The following MVB12B variants were observed in gnomAD, a reference collection of about 807,000 sequenced individuals.
MVB12B encodes the protein ESCRT-I complex subunit MVB12B.
A neutral mutation model predicts 41.6 loss-of-function variants in MVB12B; 16 were observed. The observed-to-expected ratio is 0.38, with a 90% CI of 0.26 to 0.58. The LOEUF is 0.58. Among genes scored for constraint, MVB12B ranks in the 20% least tolerant of loss-of-function variants. MVB12B has a pLI of 0.62. For synonymous variants in MVB12B, 133 were observed against 139.7 expected, an observed-to-expected ratio of 0.95 and a Z score of 0.34; for missense variants, 274 against 380.2, an observed-to-expected ratio of 0.72 and a Z score of 2.32.
chr9:126,404,100 T>A (rs117603795), intron 6 of MVB12B, among the ~76,000 whole-genome samples: 2 of 151,966 alleles, frequency 1.3e-5, no homozygotes, highest in African/African-American at 2.4e-5. Flanking sequence ...ACTACAAACA[T>A]GTGCCACCAC....
chr9:126,439,363 C>G (rs1832576240), intron 7 of MVB12B, among the ~76,000 whole-genome samples: 1 of 152,152 alleles, frequency 6.6e-6, no homozygotes, highest in African/African-American at 2.4e-5. Context: ...AGTCTGGGGT[C>G]TCCACAGGGA....
chr9:126,335,719 G>A (rs375261219), intron 1 of MVB12B, among the ~76,000 whole-genome samples: 4 of 152,216 alleles, frequency 2.6e-5, no homozygotes, highest in African/African-American at 9.7e-5. Context: ...TTCCTACGGC[G>A]AATGAAATGT....
rs1275587200 is a variant in MVB12B at position 126,499,199 on chromosome 9, TCG to T, written c.874-3976_874-3975del. ...AAAAGGCTTTTAGAAGCTGAGACTCTCGCACCGTGGCCTGAGACGCCTGCTTC... is the reference window on the plus strand; with the variant it reads ...AAAAGGCTTTTAGAAGCTGAGACTCTCACCGTGGCCTGAGACGCCTGCTTC... On this transcript the variant is annotated intron_variant, in intron 9 of 9. Coordinates refer to ENST00000361171, the MANE Select transcript of MVB12B (RefSeq NM_033446.3). 2.6e-5 allele frequency among the ~76,000 whole-genome samples: 4 copies of T among 152,146 alleles called. No individual in the cohort carries two copies. In the East Asian group the frequency reaches 7.7e-4, roughly 29 times the overall value.
intron 2 of MVB12B, among the ~76,000 whole-genome samples, chr9:126,345,326 C>T (rs765018424): frequency 6.6e-6 from 1 of 152,206 alleles, no homozygotes; most frequent in Non-Finnish European, 1.5e-5. Context: ...CAATTTAAGA[C>T]CTCCTCCATT....
intron 7 of MVB12B, among the ~76,000 whole-genome samples, chr9:126,440,131 A>G (rs1832593090): frequency 6.6e-6 from 1 of 152,208 alleles, no homozygotes; most frequent in African/African-American, 2.4e-5. Flanking sequence ...CTCGAGGGTC[A>G]GCGCGAGCCC....
At position 126,358,994 on chromosome 9, in the gene MVB12B, G is replaced by A. The variant is rs114745015; in HGVS notation, c.204+18364G>A. 5.7e-3 allele frequency among the ~76,000 whole-genome samples: 870 copies of A among 152,028 alleles called. 10 individuals are homozygous for A. Among genetic ancestry groups the A allele is most frequent in the African/African-American group, 0.02 (829 of 41,474 alleles). ...GGTTTTTAAATCATACATGGATATT[G>A]AATTTCATCACATGCTTTATCTGCT... is the stretch of plus-strand genomic sequence containing the variant. On this transcript the variant is annotated intron_variant, in intron 2 of 9. Transcript: ENST00000361171.
At chr9:126,490,799 T>A (rs1297945983) in intron 9 of MVB12B, among the ~76,000 whole-genome samples, 1 of 152,246 alleles carries the variant, frequency 6.6e-6, no homozygotes, top group Admixed American at 6.5e-5. Context: ...CTTACAGTTT[T>A]AATTTTATAC....
intron 2 of MVB12B, among the ~76,000 whole-genome samples, chr9:126,377,839 T>G (rs1428155511): frequency 1.3e-5 from 2 of 152,240 alleles, no homozygotes; most frequent in African/African-American, 2.4e-5. Context: ...TGAATCCTGA[T>G]GTAGCCTGAC....
chr9:126,451,720 G>A (rs1403539931), intron 7 of MVB12B, among the ~76,000 whole-genome samples: 1 of 152,134 alleles, frequency 6.6e-6, no homozygotes, highest in Non-Finnish European at 1.5e-5. Flanking sequence ...GAGGCACAAG[G>A]GTCCTGGGTG....
chr9:126,453,460 A>G (rs1439577995), intron 7 of MVB12B, among the ~76,000 whole-genome samples: 2 of 152,178 alleles, frequency 1.3e-5, no homozygotes, highest in Non-Finnish European at 2.9e-5. Flanking sequence ...TTTTGTTTTC[A>G]TACCTGAGGT....
In MVB12B at chr9:126,478,411, C is replaced by A. The variant is rs1233474416; in HGVS notation, c.758-2958C>A. Among the ~76,000 whole-genome samples, 1 of 152,150 alleles carries A rather than the reference C, an allele frequency of 6.6e-6. No individual in the cohort carries two copies. Among genetic ancestry groups the A allele is most frequent in the Non-Finnish European group, 1.5e-5 (1 of 68,036 alleles). On this transcript the variant is annotated intron_variant, in intron 7 of 9. Transcript: ENST00000361171. This position sits in a 1 kb window ranked among gnomAD's most constrained non-coding sequence, Gnocchi z 4.2. Reference sequence around the variant, plus strand: ...ACAGCCCCTGAGCCCCCAGGCCCTGCCCCTGGGCTGGGGACCTGGAATGCA... The same window carrying A: ...ACAGCCCCTGAGCCCCCAGGCCCTGACCCTGGGCTGGGGACCTGGAATGCA...
At chr9:126,394,032 G>A (rs376924045) in intron 5 of MVB12B, among the ~76,000 whole-genome samples, 21 of 152,328 alleles carry the variant, frequency 1.4e-4, no homozygotes, top group East Asian at 1.2e-3. Context: ...GTTTCACCTC[G>A]GTGGGTGTTC....
intron 7 of MVB12B, chr9:126,427,117 G>A (rs554304841): frequency 1.3e-5 from 2 of 152,214 alleles, no homozygotes; most frequent in Non-Finnish European, 2.9e-5. Flanking sequence ...CACCTTGCGG[G>A]GGGGAGGAGG....
intron 7 of MVB12B, among the ~76,000 whole-genome samples, chr9:126,475,298 G>C (rs996738213): frequency 1.3e-5 from 2 of 152,168 alleles, no homozygotes; most frequent in African/African-American, 4.8e-5. Context: ...TTGAGTCATT[G>C]ATCATGCCCT....
chr9:126,418,442 T>C (rs1295061826), intron 6 of MVB12B, among the ~76,000 whole-genome samples: 1 of 152,226 alleles, frequency 6.6e-6, no homozygotes, highest in Non-Finnish European at 1.5e-5. Context: ...GCAAGTCATG[T>C]CGACAGGAAT....
Position 126,395,904 on chromosome 9 carries a change from T to C in MVB12B, c.662+207T>C. On this transcript the variant is annotated intron_variant, in intron 6 of 9. Transcript: ENST00000361171. This position sits in a 1 kb window ranked among gnomAD's most constrained non-coding sequence, Gnocchi z 4.9. ...TGCAAAGGCCATTCTATAGTCTATTTTGTGCGTGTTCTGCAGGCTTCTAAA... is the reference window on the plus strand; with the variant it reads ...TGCAAAGGCCATTCTATAGTCTATTCTGTGCGTGTTCTGCAGGCTTCTAAA... 1.4e-6 allele frequency: 2 copies of C among 1,384,308 alleles called. No homozygotes were observed. The highest frequency in any genetic ancestry group is 1.9e-6 in the Non-Finnish European group (2 of 1,072,582). The allele number at this position is 1,384,308 out of a possible 1,614,324, so 85.8% of individuals were successfully genotyped here.
rs1830211122 is a variant in MVB12B, at chr9:126,367,349, A to G, written c.205-13715A>G. 6.6e-6 allele frequency among the ~76,000 whole-genome samples: 1 copy of G among 151,200 alleles called. No homozygotes were observed. Among genetic ancestry groups the G allele is most frequent in the Admixed American group, 6.6e-5 (1 of 15,236 alleles). Reference sequence around the variant, plus strand: ...CCTCCCACCAGATCTCTGTGGTCGTATGGTCTGCTCTCTCTCTCTCATCCG... The same window carrying G: ...CCTCCCACCAGATCTCTGTGGTCGTGTGGTCTGCTCTCTCTCTCTCATCCG... On this transcript the variant is annotated intron_variant, in intron 2 of 9. Coordinates refer to ENST00000361171, the MANE Select transcript of MVB12B (RefSeq NM_033446.3). This position sits in a 1 kb window ranked among gnomAD's most constrained non-coding sequence, Gnocchi z 4.3.
At chr9:126,407,378 C>CGG (rs908452949) in intron 6 of MVB12B, among the ~76,000 whole-genome samples, 2 of 152,196 alleles carry the variant, frequency 1.3e-5, no homozygotes, top group African/African-American at 4.8e-5. Context: ...CAGCACACAA[C>CGG]GAGTGGGAGC....
At chr9:126,327,546 C>T (rs1414498544) in intron 1 of MVB12B, among the ~76,000 whole-genome samples, 1 of 152,128 alleles carries the variant, frequency 6.6e-6, no homozygotes, top group Admixed American at 6.5e-5. Context: ...TACCCGAGAC[C>T]CAGAGCACCC....
Sources: allele counts gnomAD v4.1 joint callset (sites outside exome capture counted in the v4.1 genomes callset), GRCh38; gene constraint gnomAD v4.1.1; non-coding constraint Gnocchi (gnomAD v3.1); transcripts MANE v1.5; gene names NCBI Gene and HGNC (gene_info 2026-07-23, HGNC 2026-07-21).